CD53: variants seen among roughly 807,000 people sequenced by gnomAD.
The protein encoded by CD53 is leukocyte surface antigen CD53.
A neutral mutation model predicts 27.3 loss-of-function variants in CD53; 20 were observed. The observed-to-expected ratio is 0.73, with a 90% confidence interval of 0.52 to 1.07. The LOEUF (loss-of-function observed/expected upper bound fraction) is 1.07. Ranked by LOEUF, CD53 falls within the 50% of genes least tolerant of loss-of-function variation. The probability of loss-of-function intolerance (pLI) is 0.00; values close to 1 mark genes in which losing one functional copy is unlikely to be tolerated. For missense variants in CD53, 216 were observed against 264.0 expected (o/e 0.82, Z 1.26); for synonymous variants, 106 against 105.3 (o/e 1.01, Z -0.04).
At chr1:110,875,386 G>C (rs1656087396) in intron 1 of CD53, among the ~76,000 whole-genome samples, 1 of 152,172 alleles carries the variant, frequency 6.6e-6, no homozygotes, top group Non-Finnish European at 1.5e-5. Flanking sequence ...AGAATTGATG[G>C]GATGTGGGTT....
At chr1:110,876,991 T>A (rs1006864262) in intron 1 of CD53, among the ~76,000 whole-genome samples, 1 of 152,182 alleles carries the variant, frequency 6.6e-6, no homozygotes, top group East Asian at 1.9e-4. Context: ...CTTATATAAC[T>A]ACTTTACAAT....
chr1:110,898,103 C>T (rs547856458), intron 7 of CD53, among the ~76,000 whole-genome samples: 4 of 152,228 alleles, frequency 2.6e-5, no homozygotes, highest in Non-Finnish European at 4.4e-5. Context: ...CTTGGCCGGG[C>T]GTGGTGGCTC....
At chr1:110,873,009 T>G (rs1656008282), upstream of CD53, 1 of 152,562 alleles carries the variant, frequency 6.6e-6, no homozygotes, top group Non-Finnish European at 1.5e-5. Context: ...GAGAGGAAGC[T>G]TCTAAAAAGC....
rs57083589 is a variant in CD53, at chr1:110,889,555, CAAATAAAT to C, written c.-17-1809_-17-1802del. Among the ~76,000 whole-genome samples the C allele has an allele frequency of 4.0e-3, 590 of 146,338 alleles. 3 individuals are homozygous for C. The highest frequency in any genetic ancestry group is 5.1e-3 in the Non-Finnish European group (343 of 66,780). Reference sequence around the variant, plus strand: ...CCTCGGCGAAAGAGCAAAACTCCGTCAAATAAATAAATAAATAAATAAATAAATAAATA... The same window carrying C: ...CCTCGGCGAAAGAGCAAAACTCCGTCAAATAAATAAATAAATAAATAAATA... On this transcript the variant is annotated intron_variant, in intron 1 of 7. Transcript: ENST00000271324.
At chr1:110,880,558 A>G (rs909202242) in intron 1 of CD53, among the ~76,000 whole-genome samples, 1 of 152,132 alleles carries the variant, frequency 6.6e-6, no homozygotes, top group Non-Finnish European at 1.5e-5. Context: ...TGACTCTAGG[A>G]GGCATCTGGC....
Position 110,895,062 on chromosome 1 carries a change from A to G in CD53, c.423+7A>G, listed in dbSNP as rs1274723417. On this transcript the variant is annotated splice_region_variant and intron_variant, in intron 5 of 7. Transcript: ENST00000271324. ...GGACTCCATCCAGTCATTTGTGAGT[A>G]CAGGTGGAATCCTCTTCAGATCAGC... 13 of 1,595,862 alleles carry G rather than the reference A, an allele frequency of 8.1e-6. No homozygotes were observed. Among genetic ancestry groups the G allele is most frequent in the Non-Finnish European group, 1.1e-5 (13 of 1,163,524 alleles).
At chr1:110,896,843 C>A in intron 6 of CD53, 110 bp downstream of exon 6, 1 of 926,062 alleles carries the variant, frequency 1.1e-6, no homozygotes, top group Admixed American at 2.6e-5. Flanking sequence ...AACAGGGGAC[C>A]TTGAATAAAA....
upstream of CD53, among the ~76,000 whole-genome samples, chr1:110,871,268 TAA>T (rs1267834529): frequency 1.3e-5 from 2 of 152,136 alleles, no homozygotes; most frequent in East Asian, 3.8e-4. Flanking sequence ...AGGTAAAAGA[TAA>T]AGACTAATGT....
chr1:110,899,206 T>C lies in CD53; in HGVS notation c.*11T>C, dbSNP rs760152031. ...ACCATAGGGCTATGATCTGCAGTAGTCCTGTGGTGAAGAGACTTGTTTCAT... is the reference window on the plus strand; with the variant it reads ...ACCATAGGGCTATGATCTGCAGTAGCCCTGTGGTGAAGAGACTTGTTTCAT... On this transcript the variant is annotated 3_prime_UTR_variant, in exon 8 of 8. Transcript: ENST00000271324. 1.0e-5 allele frequency: 16 copies of C among 1,603,034 alleles called. No individual in the cohort carries two copies. The highest frequency in any genetic ancestry group is 1.7e-5 in the Admixed American group (1 of 59,942).
chr1:110,885,152 C>T (rs1656523099), intron 1 of CD53, among the ~76,000 whole-genome samples: 1 of 152,196 alleles, frequency 6.6e-6, no homozygotes, highest in Non-Finnish European at 1.5e-5. Context: ...TTCCATTTCT[C>T]CCTTCCCAGT....
At chr1:110,894,846 A>G in intron 4 of CD53, 114 bp from the exon 5 acceptor site, 2 of 762,864 alleles carry the variant, frequency 2.6e-6, no homozygotes, top group Non-Finnish European at 2.3e-6. Context: ...AGTTCTGAGG[A>G]GACCATTTGG....
At chr1:110,874,406 G>C (rs1231498839) in intron 1 of CD53, among the ~76,000 whole-genome samples, 1 of 152,186 alleles carries the variant, frequency 6.6e-6, no homozygotes, top group Admixed American at 6.5e-5. Flanking sequence ...GAGATGAAAA[G>C]GTAGAAGGAG....
Position 110,885,355 on chromosome 1 carries a change from G to A in CD53, c.-17-6037G>A, listed in dbSNP as rs532066406. Among the ~76,000 whole-genome samples, 27 of 151,936 alleles carry A rather than the reference G, an allele frequency of 1.8e-4. No individual in the cohort carries two copies. In the East Asian group the frequency reaches 4.8e-3, roughly 27 times the overall value. ...CACAAGGTCAGGAGATCGAGACCAC[G>A]GGGAAACCCCGTCTCTATTAAAAAT... On this transcript the variant is annotated intron_variant, in intron 1 of 7. Transcript: ENST00000271324.
At chr1:110,891,356 G>A in intron 1 of CD53, 36 bp from the exon 2 acceptor site, 2 of 1,366,056 alleles carry the variant, frequency 1.5e-6, no homozygotes, top group Non-Finnish European at 2.1e-6. Context: ...ACCTTACAGA[G>A]TGAGGTAACT....
At chr1:110,881,745 T>C (rs558560935) in intron 1 of CD53, among the ~76,000 whole-genome samples, 21 of 152,206 alleles carry the variant, frequency 1.4e-4, no homozygotes, top group Non-Finnish European at 3.1e-4. Context: ...AGAGTTCCAG[T>C]TTCACTACAT....
intron 1 of CD53, among the ~76,000 whole-genome samples, chr1:110,889,404 C>G (rs1299580343): frequency 1.3e-5 from 2 of 151,638 alleles, no homozygotes; most frequent in African/African-American, 4.8e-5. Flanking sequence ...AAAAAAAATA[C>G]AAAAATTAGC....
At chr1:110,881,314 T>C (rs1656346749) in intron 1 of CD53, among the ~76,000 whole-genome samples, 1 of 152,066 alleles carries the variant, frequency 6.6e-6, no homozygotes, top group African/African-American at 2.4e-5. Flanking sequence ...TATAGATTAG[T>C]TTTCATTTTC....
At chr1:110,892,278 T>G in intron 2 of CD53, 67 bp from the exon 3 acceptor site, 11 of 1,063,732 alleles carry the variant, frequency 1.0e-5, no homozygotes, top group Non-Finnish European at 1.6e-5. Flanking sequence ...CTCAAGGAAG[T>G]GAGAATATGA....
At chr1:110,877,078 T>A (rs750155451) in intron 1 of CD53, among the ~76,000 whole-genome samples, 14 of 152,202 alleles carry the variant, frequency 9.2e-5, no homozygotes, top group Non-Finnish European at 1.9e-4. Flanking sequence ...ACCAATTACC[T>A]CTTTAATATT....
Sources: gnomAD v4.1 joint callset for allele counts (sites outside exome capture counted in the v4.1 genomes callset) on GRCh38, gnomAD v4.1.1 for gene constraint, MANE v1.5 for transcripts, NCBI Gene and HGNC (gene_info 2026-07-23, HGNC 2026-07-21) for gene names.